Variants in PCP4 observed in about 807,000 individuals in gnomAD.
PCP4 encodes the protein calmodulin regulator protein PCP4.
PCP4 carries 8 observed loss-of-function variants against 10.0 expected under a neutral mutation model. The ratio of observed to expected loss-of-function variants is 0.80; its 90% CI spans 0.47 to 1.45. The LOEUF (loss-of-function observed/expected upper bound fraction) is 1.45. Among genes scored for constraint, PCP4 ranks in the 40% most tolerant of loss-of-function variants. The pLI is 0.00. For missense variants in PCP4, 54 were observed against 74.4 expected (o/e 0.73, Z 1.01); for synonymous variants, 21 against 23.0 (o/e 0.91, Z 0.24).
chr21:39,897,863 G>A (rs1205770277), intron 1 of PCP4, among the ~76,000 whole-genome samples: 1 of 151,852 alleles, frequency 6.6e-6, no homozygotes, highest in East Asian at 1.9e-4. Flanking sequence ...TGACTAACAC[G>A]GCAAAACTCT....
chr21:39,913,372 G>A (rs80182759), intron 2 of PCP4, among the ~76,000 whole-genome samples: 1,655 of 152,274 alleles, frequency 0.011, 36 homozygotes, highest in African/African-American at 0.038. Flanking sequence ...AGGGCTGGCC[G>A]TCCCTAGAAA....
At chr21:39,916,637 C>A (rs892721293) in intron 2 of PCP4, among the ~76,000 whole-genome samples, 2 of 152,194 alleles carry the variant, frequency 1.3e-5, no homozygotes, top group African/African-American at 2.4e-5. Context: ...GGATATAAAT[C>A]ATTCTATTAC....
chr21:39,904,354 CT>C, intron 2 of PCP4, among the ~76,000 whole-genome samples: 1 of 152,154 alleles, frequency 6.6e-6, no homozygotes, highest in Admixed American at 6.5e-5. Context: ...GCAGATTTTG[CT>C]TAGGATATAT....
At chr21:39,895,468 C>T (rs919297378) in intron 1 of PCP4, among the ~76,000 whole-genome samples, 3 of 152,226 alleles carry the variant, frequency 2.0e-5, no homozygotes, top group Admixed American at 6.5e-5. Context: ...TCCCCACCCG[C>T]TGATAGAGGC....
chr21:39,915,620 G>A lies in PCP4; in HGVS notation c.62-13364G>A, dbSNP rs140213261. ...CATCTGTCACTGTTTGGCAATATTT[G>A]GCATAAGACTTCCAACTTATGGTTG... On this transcript the variant is annotated intron_variant, in intron 2 of 2. Coordinates refer to ENST00000328619, the MANE Select transcript of PCP4 (RefSeq NM_006198.3). 2.4e-3 allele frequency among the ~76,000 whole-genome samples: 371 copies of A among 152,258 alleles called. 1 individual carries two copies. The highest frequency in any genetic ancestry group is 8.4e-3 in the African/African-American group (348 of 41,550).
At position 39,922,166 on chromosome 21, in the gene PCP4, A is replaced by G. The variant is rs1048173080; in HGVS notation, c.62-6818A>G. Among the ~76,000 whole-genome samples, 154 of 152,128 alleles carry G rather than the reference A, an allele frequency of 1.0e-3. 4 individuals are homozygous for G. The highest frequency in any genetic ancestry group is 9.8e-3 in the Admixed American group (150 of 15,276). On this transcript the variant is annotated intron_variant, in intron 2 of 2. Transcript: ENST00000328619. ...CATGCCTGGCCCTGAGACTCGTAAA[A>G]TTCATTTGGGACTGTCTTCAACTGG...
In PCP4 at chr21:39,923,207, G is replaced by T. The variant is rs73354179; in HGVS notation, c.62-5777G>T. 4.6e-3 allele frequency among the ~76,000 whole-genome samples: 702 copies of T among 152,320 alleles called. 8 individuals are homozygous for T. Among genetic ancestry groups the T allele is most frequent in the African/African-American group, 0.016 (666 of 41,570 alleles). ...AAAAGCCGTAGACAAGTCAAATGTAGTGGAGTTGAGCAAAGAATGATTCCA... is the reference window on the plus strand; with the variant it reads ...AAAAGCCGTAGACAAGTCAAATGTATTGGAGTTGAGCAAAGAATGATTCCA... On this transcript the variant is annotated intron_variant, in intron 2 of 2. Coordinates refer to ENST00000328619, the MANE Select transcript of PCP4 (RefSeq NM_006198.3).
chr21:39,917,108 A>G (rs1442271070), intron 2 of PCP4, among the ~76,000 whole-genome samples: 1 of 152,224 alleles, frequency 6.6e-6, no homozygotes, highest in African/African-American at 2.4e-5. Context: ...TAAAGAAAAA[A>G]AAATTCTGGG....
intron 2 of PCP4, among the ~76,000 whole-genome samples, chr21:39,917,924 C>T (rs1306329649): frequency 6.6e-6 from 1 of 152,084 alleles, no homozygotes; most frequent in Non-Finnish European, 1.5e-5. Flanking sequence ...TGGCTGCTGT[C>T]CTTATAAGAA....
At chr21:39,895,341 C>T (rs1166916051) in intron 1 of PCP4, among the ~76,000 whole-genome samples, 1 of 152,232 alleles carries the variant, frequency 6.6e-6, no homozygotes, top group Non-Finnish European at 1.5e-5. Context: ...TGGAATTGAG[C>T]CCTTGGCTGT....
At chr21:39,894,553 T>A (rs1226995217) in intron 1 of PCP4, among the ~76,000 whole-genome samples, 1 of 152,208 alleles carries the variant, frequency 6.6e-6, no homozygotes, top group Admixed American at 6.5e-5. Context: ...CCTAACATAT[T>A]AAGCTATATT....
chr21:39,920,392 C>A (rs1299998397), intron 2 of PCP4, among the ~76,000 whole-genome samples: 2 of 125,152 alleles, frequency 1.6e-5, no homozygotes, highest in Non-Finnish European at 3.4e-5. Flanking sequence ...GTGGTGTGTG[C>A]GTGGTGTGTT....
Position 39,906,887 on chromosome 21 carries a change from G to A in PCP4, c.61+8360G>A, listed in dbSNP as rs1400972769. On this transcript the variant is annotated intron_variant, in intron 2 of 2. Coordinates refer to ENST00000328619, the MANE Select transcript of PCP4 (RefSeq NM_006198.3). The surrounding 1 kb of genome is among the most constrained non-coding windows in gnomAD (Gnocchi z 6.3). ...GATATTCCAGGTTTCAAATGTTTCA[G>A]GTTCTGCTTGTCAATTACTTTTATG... is the stretch of plus-strand genomic sequence containing the variant. Among the ~76,000 whole-genome samples the A allele has an allele frequency of 6.6e-6, 1 of 152,118 alleles. No individual in the cohort carries two copies. The highest frequency in any genetic ancestry group is 2.4e-5 in the African/African-American group (1 of 41,428).
At chr21:39,874,492 G>A (rs537269801) in intron 1 of PCP4, among the ~76,000 whole-genome samples, 15 of 152,134 alleles carry the variant, frequency 9.9e-5, no homozygotes, top group African/African-American at 3.1e-4. Context: ...GTCAATAATC[G>A]AATGAAGTAA....
rs1049035754 is a variant in PCP4 at position 39,929,358 on chromosome 21, T to A, written c.*247T>A. 9.1e-6 allele frequency: 3 copies of A among 329,802 alleles called. No homozygotes were observed. 20.4% of individuals were successfully genotyped at this position (329,802 alleles called of 1,614,324 possible). A position where few individuals can be genotyped will look rare whatever the true frequency, so the allele number is the denominator to read the frequency against. On this transcript the variant is annotated 3_prime_UTR_variant, in exon 3 of 3. Transcript: ENST00000328619. ...TCATTCCTCCTGCAACTATTTTCCTTGATGTTGTAATAAAATGAAGTTACG... is the reference window on the plus strand; with the variant it reads ...TCATTCCTCCTGCAACTATTTTCCTAGATGTTGTAATAAAATGAAGTTACG...
At chr21:39,890,599 C>G (rs1389218510) in intron 1 of PCP4, among the ~76,000 whole-genome samples, 3 of 151,776 alleles carry the variant, frequency 2.0e-5, no homozygotes, top group Non-Finnish European at 4.4e-5. Flanking sequence ...AAACTCCTGA[C>G]CTCAGGTGAT....
Position 39,912,285 on chromosome 21 carries a change from G to A in PCP4, c.61+13758G>A, listed in dbSNP as rs2087543872. Among the ~76,000 whole-genome samples, 4 of 149,724 alleles carry A rather than the reference G, an allele frequency of 2.7e-5. No homozygotes were observed. The South Asian group carries it at 8.6e-4, about 32-fold the overall frequency. On this transcript the variant is annotated intron_variant, in intron 2 of 2. Transcript: ENST00000328619. ...TGATAATTAGAATGTGTCAAGGGAT[G>A]ATATTTCATTGTTGGTCTTTTGAAA...
chr21:39,920,677 C>A (rs2837293), intron 2 of PCP4, among the ~76,000 whole-genome samples: 19,152 of 152,166 alleles, frequency 0.13, 1,350 homozygotes, highest in South Asian at 0.24. Flanking sequence ...ACTTTTTATC[C>A]TTTCTGGGAC....
chr21:39,926,910 G>T (rs937643614), intron 2 of PCP4, among the ~76,000 whole-genome samples: 5 of 152,198 alleles, frequency 3.3e-5, no homozygotes, highest in African/African-American at 1.2e-4. Flanking sequence ...CATTTGGGCT[G>T]TCCTGGGTTA....
Sources: gnomAD v4.1 joint callset for allele counts (sites outside exome capture counted in the v4.1 genomes callset) on GRCh38, gnomAD v4.1.1 for gene constraint, Gnocchi (gnomAD v3.1) non-coding constraint, MANE v1.5 for transcripts, NCBI Gene and HGNC (gene_info 2026-07-23, HGNC 2026-07-21) for gene names.